Variants in EDAR observed in about 807,000 individuals in gnomAD.
EDAR encodes the protein ectodysplasin A receptor, also known as tumor necrosis factor receptor superfamily member EDAR.
EDAR carries 38 observed loss-of-function variants against 51.3 expected under a neutral mutation model. The ratio of observed to expected loss-of-function variants is 0.74; its 90% CI spans 0.57 to 0.97. The LOEUF is 0.97. Ranked by LOEUF, EDAR falls within the 50% of genes least tolerant of loss-of-function variation. EDAR has a pLI of 0.00. For synonymous variants in EDAR, 227 were observed against 242.1 expected, an observed-to-expected ratio of 0.94 and a Z score of 0.58; for missense variants, 528 against 595.0, an observed-to-expected ratio of 0.89 and a Z score of 1.17.
chr2:108,925,641 A>G (rs2105436983), intron 4 of EDAR, among the ~76,000 whole-genome samples: 1 of 152,104 alleles, frequency 6.6e-6, no homozygotes, highest in South Asian at 2.1e-4. Flanking sequence ...TCCCCCTGAA[A>G]CAGTCTCCTT....
At chr2:108,934,574 T>C (rs1380585394) in intron 1 of EDAR, among the ~76,000 whole-genome samples, 1 of 152,304 alleles carries the variant, frequency 6.6e-6, no homozygotes, top group East Asian at 1.9e-4. Flanking sequence ...GAAGTTTATT[T>C]GGGGTTCTGG....
chr2:108,938,093 A>C (rs1180440390), intron 1 of EDAR, among the ~76,000 whole-genome samples: 1 of 152,238 alleles, frequency 6.6e-6, no homozygotes, highest in Non-Finnish European at 1.5e-5. Context: ...AATTCTTCAG[A>C]ACTCTCTGTG....
chr2:108,898,415 C>T (rs1437713535), intron 11 of EDAR, among the ~76,000 whole-genome samples: 1 of 152,138 alleles, frequency 6.6e-6, no homozygotes, highest in Non-Finnish European at 1.5e-5. Flanking sequence ...TCTACCTTCA[C>T]CCAACAGTAG....
chr2:108,897,238 A>G lies in EDAR; in HGVS notation c.1025-9T>C, dbSNP rs1696616793. ...CTCCGTGGGGCTAAGACCTACAGAC[A>G]CCAATGGCCACAGTTAGATGTTGCA... On this transcript the variant is annotated splice_polypyrimidine_tract_variant and intron_variant, in intron 11 of 11. Coordinates refer to ENST00000258443, the MANE Select transcript of EDAR (RefSeq NM_022336.4). 1 of 1,611,432 alleles carries G rather than the reference A, an allele frequency of 6.2e-7. No individual in the cohort carries two copies. Among genetic ancestry groups the G allele is most frequent in the Admixed American group, 1.7e-5 (1 of 59,994 alleles).
intron 1 of EDAR, among the ~76,000 whole-genome samples, chr2:108,971,528 C>T (rs1275350899): frequency 1.3e-5 from 2 of 151,786 alleles, no homozygotes; most frequent in Non-Finnish European, 3.0e-5. Flanking sequence ...ACTCCCCAGG[C>T]ATTCTAGCAG....
At chr2:108,910,739 C>T in intron 8 of EDAR, 37 bp downstream of exon 8, 1 of 1,608,934 alleles carries the variant, frequency 6.2e-7, no homozygotes. Flanking sequence ...GAGATGGGCA[C>T]CGTGCACATG....
intron 1 of EDAR, among the ~76,000 whole-genome samples, chr2:108,947,430 G>A (rs766276413): frequency 4.6e-4 from 70 of 152,308 alleles, no homozygotes; most frequent in Non-Finnish European, 9.1e-4. Context: ...GCCCCAGTGG[G>A]GACTCTGTGT....
intron 1 of EDAR, among the ~76,000 whole-genome samples, chr2:108,967,944 AG>A: frequency 6.6e-6 from 1 of 152,188 alleles, no homozygotes; most frequent in Admixed American, 6.5e-5. Context: ...GCGGAGCTGG[AG>A]GGCCCCAGCC....
chr2:108,907,769 C>T, intron 10 of EDAR, 91 bp downstream of exon 10: 1 of 1,474,278 alleles, frequency 6.8e-7, no homozygotes, highest in Non-Finnish European at 9.5e-7. Context: ...CCCCGTCTTG[C>T]AGGAGAGCTG....
chr2:108,930,815 G>T, intron 2 of EDAR, 149 bp downstream of exon 2: 1 of 866,398 alleles, frequency 1.2e-6, no homozygotes, highest in Non-Finnish European at 1.9e-6. Context: ...TCTGTGCTTT[G>T]CAGGCCTGGT....
At chr2:108,909,752 G>C (rs1294680559) in intron 9 of EDAR, among the ~76,000 whole-genome samples, 1 of 152,216 alleles carries the variant, frequency 6.6e-6, no homozygotes, top group Non-Finnish European at 1.5e-5. Context: ...CTCGATTTTA[G>C]AGCAGGGGCT....
chr2:108,914,246 G>A (rs529987791), intron 5 of EDAR, among the ~76,000 whole-genome samples: 3 of 151,744 alleles, frequency 2.0e-5, no homozygotes, highest in East Asian at 1.9e-4. Flanking sequence ...GGCAACAAAC[G>A]TGAAACTTTG....
intron 1 of EDAR, among the ~76,000 whole-genome samples, chr2:108,971,895 A>G (rs555270369): frequency 6.6e-6 from 1 of 152,352 alleles, no homozygotes; most frequent in Non-Finnish European, 1.5e-5. Flanking sequence ...AGGTCACCAA[A>G]GGCACTGAGC....
At chr2:108,908,418 G>A (rs1026384533) in intron 9 of EDAR, among the ~76,000 whole-genome samples, 1 of 152,210 alleles carries the variant, frequency 6.6e-6, no homozygotes, top group African/African-American at 2.4e-5. Flanking sequence ...GTGTCTTCAT[G>A]TTAAGCAAAC....
At chr2:108,962,942 A>C (rs1266326497) in intron 1 of EDAR, among the ~76,000 whole-genome samples, 1 of 152,154 alleles carries the variant, frequency 6.6e-6, no homozygotes, top group Non-Finnish European at 1.5e-5. Context: ...ATAAGGAGAG[A>C]GCTACAGAGA....
In EDAR at chr2:108,970,694, C is replaced by T. The variant is rs1277414192; in HGVS notation, c.-19+18266G>A. 1.1e-4 allele frequency among the ~76,000 whole-genome samples: 16 copies of T among 152,222 alleles called. No individual in the cohort carries two copies. The South Asian group carries it at 2.5e-3, about 24-fold the overall frequency. ...GGCCCTTTGGAGAAGACAGAAAAAC[C>T]ATAAGGTAGAAAGAATAAAAGCTAA... On this transcript the variant is annotated intron_variant, in intron 1 of 11. Transcript: ENST00000258443.
chr2:108,979,467 T>TCTCACACACACACACA (rs1159379988), intron 1 of EDAR, among the ~76,000 whole-genome samples: 2 of 147,112 alleles, frequency 1.4e-5, no homozygotes, highest in African/African-American at 2.5e-5. Context: ...TCTCTCTCTC[T>TCTCACACACACACACA]CACACACACA....
chr2:108,939,067 C>A (rs372350180), intron 1 of EDAR, among the ~76,000 whole-genome samples: 1 of 152,106 alleles, frequency 6.6e-6, no homozygotes, highest in East Asian at 1.9e-4. Flanking sequence ...CATGAGCCAC[C>A]GTGCCTGGCC....
chr2:108,957,261 G>A (rs1233246147), intron 1 of EDAR, among the ~76,000 whole-genome samples: 3 of 152,158 alleles, frequency 2.0e-5, no homozygotes, highest in East Asian at 1.9e-4. Context: ...GTTCACCTTC[G>A]CTTCGTGAGA....
Sources: gnomAD v4.1 joint callset for allele counts (sites outside exome capture counted in the v4.1 genomes callset) on GRCh38, gnomAD v4.1.1 for gene constraint, MANE v1.5 for transcripts, NCBI Gene and HGNC (gene_info 2026-07-23, HGNC 2026-07-21) for gene names.